The following SEC31A variants were observed in gnomAD, a reference collection of about 807,000 sequenced individuals.
SEC31A encodes the protein SEC31 homolog A, COPII component, also known as protein transport protein Sec31A.
A neutral mutation model predicts 151.0 loss-of-function variants in SEC31A; 70 were observed. That is an observed-to-expected ratio of 0.46 (90% CI 0.38 to 0.57). The LOEUF is 0.57. SEC31A is among the 20% of genes least tolerant of loss of function. The pLI, the probability that SEC31A is intolerant of heterozygous loss-of-function variation, is 0.00. For missense variants in SEC31A, 1,330 were observed against 1,471.2 expected, an observed-to-expected ratio of 0.90 and a Z score of 1.57; for synonymous variants, 475 against 505.9, an observed-to-expected ratio of 0.94 and a Z score of 0.82.
At position 82,866,909 on chromosome 4, in the gene SEC31A, G is replaced by C. The variant is rs1424289359; in HGVS notation, c.1096C>G (p.Pro366Ala). 6.2e-7 allele frequency: 1 copy of C among 1,614,022 alleles called. No individual in the cohort carries two copies. Among genetic ancestry groups the C allele is most frequent in the Non-Finnish European group, 8.5e-7 (1 of 1,180,006 alleles). ...LDPFGTGQPL[P>A]PLQIPQQTAQ... ...GTCTGCTGTGGAATTTGTAACGGAG[G>C]AAGGGGCTGTCCTGTGCCAAAGGGA... The change falls in exon 10 of 27, where the codon CCT becomes GCT. Residue 366 changes from proline (P) to alanine (A), a missense_variant. By Grantham distance (27) the Pro-to-Ala change is conservative. Coordinates refer to ENST00000395310, the MANE Select transcript of SEC31A (RefSeq NM_001077207.4).
chr4:82,888,076 C>CAAA (rs533268343), intron 1 of SEC31A, among the ~76,000 whole-genome samples: 3,698 of 129,104 alleles, frequency 0.029, 110 homozygotes, highest in African/African-American at 0.079. Flanking sequence ...CAAACAACAA[C>CAAA]AAAAAAAACA....
rs1421020579 is a variant in SEC31A at position 82,853,676 on chromosome 4, A to G, written c.2048T>C (p.Leu683Pro). Reference sequence around the variant, plus strand: ...GCAGAGACATGCTTGAGTCTGCAGGAGGCTATCTCCTTCATTTTCAAGCCT... The same window carrying G: ...GCAGAGACATGCTTGAGTCTGCAGGGGGCTATCTCCTTCATTTTCAAGCCT... ...GTRLENEGDSLLQTQACLCYI... is the reference protein window; with the variant it reads ...GTRLENEGDSPLQTQACLCYI... Residue 683 changes from leucine to proline, a missense_variant, in exon 18 of 27, where the codon CTC (leucine) becomes CCC (proline). Physicochemically the swap from Leu to Pro is moderately conservative, Grantham distance 98 (BLOSUM62 -3). Coordinates refer to ENST00000395310, the MANE Select transcript of SEC31A (RefSeq NM_001077207.4). 1.2e-6 allele frequency: 2 copies of G among 1,601,136 alleles called. No individual in the cohort carries two copies.
chr4:82,871,936 C>G lies in SEC31A; in HGVS notation c.782+8G>C, dbSNP rs540204866. The G allele has an allele frequency of 1.3e-5, 21 of 1,613,912 alleles. No individual in the cohort carries two copies. The highest frequency in any genetic ancestry group is 1.6e-4 in the Middle Eastern group (1 of 6,082). On this transcript the variant is annotated splice_region_variant and intron_variant, in intron 7 of 26. Coordinates refer to ENST00000395310, the MANE Select transcript of SEC31A (RefSeq NM_001077207.4). The stretch of plus-strand genomic sequence containing the variant: ...CAAATCAAGTTCTTTGTAACAGCAG[C>G]ACGATACCTGGCATGGTTTTCCAGG...
In SEC31A at chr4:82,874,712, C is replaced by T. The variant is rs764852766; in HGVS notation, c.538G>A (p.Val180Ile). ...CTGGCTGATGCTAAAATATGCTGAA[C>T]TTGTCTGTTCCATGCAATGCAGCTG... ...DISCIAWNRQVQHILASASPS... is the reference protein window; with the variant it reads ...DISCIAWNRQIQHILASASPS... The change falls in exon 6 of 27, where the codon GTT (valine) becomes ATT (isoleucine). Residue 180 changes from valine to isoleucine, a missense_variant. Physicochemically the swap from Val to Ile is conservative, Grantham distance 29 (BLOSUM62 3). Transcript: ENST00000395310. 5.6e-6 allele frequency: 9 copies of T among 1,612,610 alleles called. No individual in the cohort carries two copies. The highest frequency in any genetic ancestry group is 6.8e-6 in the Non-Finnish European group (8 of 1,179,800).
At chr4:82,845,176 C>G (rs1313190475) in intron 20 of SEC31A, 2 of 1,450,178 alleles carry the variant, frequency 1.4e-6, no homozygotes, top group Non-Finnish European at 1.9e-6. Flanking sequence ...GAATTCTGCT[C>G]AAAGAGGAAT....
chr4:82,852,299 T>C (rs985624443), intron 18 of SEC31A, among the ~76,000 whole-genome samples: 4 of 152,160 alleles, frequency 2.6e-5, no homozygotes, highest in African/African-American at 4.8e-5. Flanking sequence ...CATTGCAGTA[T>C]GAAAATGGAC....
intron 23 of SEC31A, among the ~76,000 whole-genome samples, chr4:82,828,686 A>AAAAG (rs1725191324): frequency 6.6e-6 from 1 of 150,488 alleles, no homozygotes; most frequent in South Asian, 2.1e-4. Flanking sequence ...AAAAAAAAAA[A>AAAAG]AAAAAAAAAA....
intron 22 of SEC31A, among the ~76,000 whole-genome samples, chr4:82,836,920 A>G (rs1204873723): frequency 6.6e-6 from 1 of 151,842 alleles, no homozygotes; most frequent in Non-Finnish European, 1.5e-5. Context: ...TAGTATATGG[A>G]CTGTTTACAA....
intron 8 of SEC31A, 102 bp downstream of exon 8, chr4:82,870,223 C>G: frequency 1.2e-6 from 1 of 815,072 alleles, no homozygotes; most frequent in South Asian, 1.8e-5. Flanking sequence ...ACATACTCTT[C>G]ACATAGTAAT....
chr4:82,821,624 G>T (rs1466382402), intron 25 of SEC31A, among the ~76,000 whole-genome samples: 1 of 151,736 alleles, frequency 6.6e-6, no homozygotes, highest in Non-Finnish European at 1.5e-5. Flanking sequence ...AGGGTGGAGG[G>T]TGGAGGGGAC....
chr4:82,822,548 C>T (rs574009014), intron 25 of SEC31A, among the ~76,000 whole-genome samples: 1 of 152,168 alleles, frequency 6.6e-6, no homozygotes, highest in African/African-American at 2.4e-5. Flanking sequence ...TGCTACATAC[C>T]AAGTTGTGTG....
At chr4:82,842,656 T>A in intron 21 of SEC31A, 175 bp from the exon 22 acceptor site, 1 of 570,918 alleles carries the variant, frequency 1.8e-6, no homozygotes, top group Non-Finnish European at 3.1e-6. Flanking sequence ...CCAAATACAC[T>A]TGAATTCAAT....
At chr4:82,855,728 G>A (rs1732484666) in intron 16 of SEC31A, among the ~76,000 whole-genome samples, 1 of 152,078 alleles carries the variant, frequency 6.6e-6, no homozygotes, top group Non-Finnish European at 1.5e-5. Context: ...TTACAAATAG[G>A]AGCTAAATGA....
At chr4:82,838,626 A>G (rs941233065) in intron 22 of SEC31A, among the ~76,000 whole-genome samples, 1 of 152,224 alleles carries the variant, frequency 6.6e-6, no homozygotes, top group African/African-American at 2.4e-5. Context: ...TATTATATGA[A>G]GTAAAACTCC....
At chr4:82,835,099 G>C (rs572116284) in intron 22 of SEC31A, among the ~76,000 whole-genome samples, 1 of 152,224 alleles carries the variant, frequency 6.6e-6, no homozygotes. Flanking sequence ...CACCCACTTT[G>C]ACCTCCCAAA....
chr4:82,829,130 C>G (rs1725335386), intron 22 of SEC31A, 72 bp from the exon 23 acceptor site: 1 of 1,254,460 alleles, frequency 8.0e-7, no homozygotes. Flanking sequence ...AATCGATCAC[C>G]TAATACTTCA....
intron 14 of SEC31A, among the ~76,000 whole-genome samples, chr4:82,859,799 T>A (rs1162313241): frequency 1.3e-5 from 2 of 151,710 alleles, no homozygotes; most frequent in Admixed American, 1.3e-4. Context: ...ATATTTTTTT[T>A]TTTTTTTTTT....
At chr4:82,822,588 A>T (rs1051493922) in intron 25 of SEC31A, among the ~76,000 whole-genome samples, 1 of 152,230 alleles carries the variant, frequency 6.6e-6, no homozygotes, top group African/African-American at 2.4e-5. Context: ...TTTAGACATA[A>T]AGTGAAAATA....
chr4:82,851,913 C>A (rs1731532413), intron 18 of SEC31A, among the ~76,000 whole-genome samples: 1 of 152,160 alleles, frequency 6.6e-6, no homozygotes, highest in Admixed American at 6.5e-5. Context: ...AGGCAGATGT[C>A]TAAAGGTAGA....
Sources: allele counts gnomAD v4.1 joint callset (sites outside exome capture counted in the v4.1 genomes callset), GRCh38; gene constraint gnomAD v4.1.1; transcripts MANE v1.5; gene names NCBI Gene and HGNC (gene_info 2026-07-23, HGNC 2026-07-21).